Variants in CWC27 observed in about 807,000 individuals in gnomAD.
CWC27 encodes CWC27 spliceosome associated cyclophilin.
In CWC27, 47 loss-of-function variants were observed where a neutral mutation model predicts 63.6. The observed-to-expected ratio is 0.74, with a 90% CI of 0.58 to 0.94. CWC27 has a LOEUF of 0.94. CWC27 is among the 40% of genes least tolerant of loss of function. The pLI, the probability that CWC27 is intolerant of heterozygous loss-of-function variation, is 0.00. For missense variants in CWC27, 495 were observed against 554.3 expected (o/e 0.89, Z 1.07); for synonymous variants, 175 against 179.8 (o/e 0.97, Z 0.22).
chr5:64,920,802 A>T (rs1439432157), intron 11 of CWC27, among the ~76,000 whole-genome samples: 1 of 151,370 alleles, frequency 6.6e-6, no homozygotes, highest in East Asian at 1.9e-4. Context: ...TTTTAATGTC[A>T]TTTTTGTCAT....
intron 10 of CWC27, among the ~76,000 whole-genome samples, chr5:64,877,653 A>C (rs1355961815): frequency 6.6e-6 from 1 of 152,024 alleles, no homozygotes; most frequent in African/African-American, 2.4e-5. Context: ...GCTGTAACAA[A>C]ATACCACATG....
intron 11 of CWC27, 122 bp from the exon 12 acceptor site, chr5:64,971,581 T>A: frequency 1.6e-6 from 1 of 620,428 alleles, no homozygotes; most frequent in Non-Finnish European, 2.7e-6. Context: ...TCTTTTGAAA[T>A]TAAATGGTGA....
intron 13 of CWC27, among the ~76,000 whole-genome samples, chr5:64,980,960 C>T (rs1024396642): frequency 2.0e-5 from 3 of 152,062 alleles, no homozygotes; most frequent in African/African-American, 2.4e-5. Context: ...AGCATGGTGG[C>T]GGGTGCCTGT....
At chr5:64,972,600 G>A (rs964430122) in intron 12 of CWC27, 11 of 420,774 alleles carry the variant, frequency 2.6e-5, no homozygotes, top group African/African-American at 2.3e-4. Flanking sequence ...CAAAGTAAAA[G>A]TAAATTAAAA....
chr5:64,856,541 C>G (rs898299313), intron 10 of CWC27, among the ~76,000 whole-genome samples: 3 of 151,674 alleles, frequency 2.0e-5, no homozygotes, highest in African/African-American at 7.3e-5. Flanking sequence ...AGCCTTTCAA[C>G]AAGTTTTTTT....
chr5:64,861,868 A>C (rs1057184086), intron 10 of CWC27, among the ~76,000 whole-genome samples: 1 of 152,212 alleles, frequency 6.6e-6, no homozygotes, highest in African/African-American at 2.4e-5. Context: ...TTTCCAAAGA[A>C]ATGTTCAATA....
intron 10 of CWC27, among the ~76,000 whole-genome samples, chr5:64,826,929 G>C (rs772527064): frequency 6.6e-6 from 1 of 152,024 alleles, no homozygotes; most frequent in Non-Finnish European, 1.5e-5. Context: ...AAAAGAAAAA[G>C]TAAATGGAAA....
At chr5:65,014,104 A>G (rs1750009942) in intron 13 of CWC27, among the ~76,000 whole-genome samples, 1 of 151,278 alleles carries the variant, frequency 6.6e-6, no homozygotes, top group African/African-American at 2.4e-5. Context: ...ACACAGCCCC[A>G]TACCAAAAAA....
intron 11 of CWC27, among the ~76,000 whole-genome samples, chr5:64,904,195 T>C (rs545560793): frequency 6.6e-6 from 1 of 152,302 alleles, no homozygotes; most frequent in African/African-American, 2.4e-5. Flanking sequence ...CATTTACATA[T>C]TTTAGGTTTT....
intron 8 of CWC27, 34 bp downstream of exon 8, chr5:64,800,361 A>G: frequency 6.8e-7 from 1 of 1,474,392 alleles, no homozygotes; most frequent in Non-Finnish European, 9.4e-7. Flanking sequence ...CTAAGTTCTT[A>G]ATTTTCTGGC....
intron 10 of CWC27, among the ~76,000 whole-genome samples, chr5:64,840,616 T>G (rs1745807957): frequency 6.6e-6 from 1 of 151,822 alleles, no homozygotes; most frequent in African/African-American, 2.4e-5. Flanking sequence ...ATGCTATTGT[T>G]TGTTACTGTT....
chr5:64,974,550 G>T (rs1190023739), intron 12 of CWC27, among the ~76,000 whole-genome samples: 1 of 152,096 alleles, frequency 6.6e-6, no homozygotes, highest in Non-Finnish European at 1.5e-5. Context: ...ACCTCCCACT[G>T]GGTCCCTCCC....
chr5:64,849,411 G>C (rs1025266370), intron 10 of CWC27, among the ~76,000 whole-genome samples: 5 of 152,292 alleles, frequency 3.3e-5, no homozygotes, highest in Middle Eastern at 6.8e-3. Flanking sequence ...GTTTGGATCT[G>C]TGTCCCTGTT....
At chr5:64,897,590 C>G (rs1404568768) in intron 11 of CWC27, among the ~76,000 whole-genome samples, 1 of 151,972 alleles carries the variant, frequency 6.6e-6, no homozygotes, top group Admixed American at 6.6e-5. Context: ...CAGGGTCGGT[C>G]AGAGATGGGG....
At chr5:64,847,820 T>A (rs975295541) in intron 10 of CWC27, among the ~76,000 whole-genome samples, 11 of 151,678 alleles carry the variant, frequency 7.3e-5, no homozygotes, top group African/African-American at 2.4e-4. Context: ...TAAAAATATA[T>A]TGGGAAAAAT....
At chr5:64,910,951 G>A (rs1057386455) in intron 11 of CWC27, among the ~76,000 whole-genome samples, 2 of 152,080 alleles carry the variant, frequency 1.3e-5, no homozygotes, top group African/African-American at 2.4e-5. Context: ...GCCCTCCGTG[G>A]GCTGCACCCA....
intron 13 of CWC27, among the ~76,000 whole-genome samples, chr5:64,997,776 A>G (rs1749663190): frequency 6.6e-6 from 1 of 152,184 alleles, no homozygotes; most frequent in Non-Finnish European, 1.5e-5. Flanking sequence ...TGTAAATAGA[A>G]TTTAAATATA....
chr5:64,953,352 A>G (rs1561168929), intron 11 of CWC27, among the ~76,000 whole-genome samples: 1 of 152,188 alleles, frequency 6.6e-6, no homozygotes, highest in Non-Finnish European at 1.5e-5. Context: ...AGTAGAGACA[A>G]AGCATTTGAG....
intron 13 of CWC27, 85 bp downstream of exon 13, chr5:64,977,323 C>T (rs1391857463): frequency 2.2e-6 from 2 of 892,780 alleles, no homozygotes; most frequent in Admixed American, 5.9e-5. Context: ...CTATATCATC[C>T]TTTTGTTTTC....
Sources: allele counts gnomAD v4.1 joint callset (sites outside exome capture counted in the v4.1 genomes callset), GRCh38; gene constraint gnomAD v4.1.1; transcripts MANE v1.5; gene names NCBI Gene and HGNC (gene_info 2026-07-23, HGNC 2026-07-21).